Variants in PLPP4 observed in about 807,000 individuals in gnomAD.
The protein encoded by PLPP4 is diacylglycerol pyrophosphate like 2.
A neutral mutation model predicts 32.2 loss-of-function variants in PLPP4; 20 were observed. The ratio of observed to expected loss-of-function variants is 0.62; its 90% CI spans 0.44 to 0.90. The LOEUF (loss-of-function observed/expected upper bound fraction) is 0.90, where lower values mean the gene tolerates loss of function less well. Among genes scored for constraint, PLPP4 ranks in the 40% least tolerant of loss-of-function variants. The probability of loss-of-function intolerance (pLI) is 0.00; values close to 1 mark genes in which losing one functional copy is unlikely to be tolerated. For missense variants in PLPP4, 257 were observed against 353.1 expected (o/e 0.73, Z 2.18); for synonymous variants, 127 against 133.0 (o/e 0.95, Z 0.31).
chr10:120,474,431 T>G (rs1843807421), intron 1 of PLPP4, among the ~76,000 whole-genome samples: 1 of 152,214 alleles, frequency 6.6e-6, no homozygotes, highest in African/African-American at 2.4e-5. Context: ...GTTTGAAATA[T>G]CAGCCCTGAA....
chr10:120,563,241 A>G (rs1033130541), intron 5 of PLPP4, among the ~76,000 whole-genome samples: 1 of 152,200 alleles, frequency 6.6e-6, no homozygotes, highest in East Asian at 1.9e-4. Context: ...CCCCATCTCA[A>G]AAACCAAACC....
intron 4 of PLPP4, 106 bp from the exon 5 acceptor site, chr10:120,520,865 G>C (rs1846118827): frequency 7.2e-7 from 1 of 1,387,282 alleles, no homozygotes; most frequent in African/African-American, 1.4e-5. Context: ...GACAGCCAAG[G>C]GGGCTGAGGA....
At chr10:120,580,237 A>G (rs762742263) in intron 6 of PLPP4, among the ~76,000 whole-genome samples, 1 of 151,850 alleles carries the variant, frequency 6.6e-6, no homozygotes, top group Admixed American at 6.6e-5. Flanking sequence ...TCTAATGAAG[A>G]GGTCAGGTAG....
chr10:120,526,071 A>T (rs997677213), intron 5 of PLPP4, among the ~76,000 whole-genome samples: 9 of 151,906 alleles, frequency 5.9e-5, no homozygotes, highest in Non-Finnish European at 1.0e-4. Context: ...CCTACTGTCT[A>T]GCTCTTTGTC....
intron 5 of PLPP4, among the ~76,000 whole-genome samples, chr10:120,525,150 T>C (rs1326485504): frequency 1.3e-5 from 2 of 152,162 alleles, no homozygotes; most frequent in East Asian, 3.9e-4. Context: ...ATGGCCTCTT[T>C]CACTTTACAA....
At chr10:120,517,113 A>T (rs998619618) in intron 3 of PLPP4, among the ~76,000 whole-genome samples, 8 of 152,288 alleles carry the variant, frequency 5.3e-5, no homozygotes, top group African/African-American at 1.9e-4. Flanking sequence ...GAAGTGATCC[A>T]TGTGGCTGTG....
chr10:120,577,779 T>C (rs1191689930), intron 6 of PLPP4, among the ~76,000 whole-genome samples: 6 of 152,210 alleles, frequency 3.9e-5, no homozygotes, highest in Non-Finnish European at 7.3e-5. Flanking sequence ...GTTCAACTTA[T>C]ACCCTTGGAG....
intron 1 of PLPP4, among the ~76,000 whole-genome samples, chr10:120,487,714 A>T (rs2133830697): frequency 6.6e-6 from 1 of 152,222 alleles, no homozygotes; most frequent in South Asian, 2.1e-4. Context: ...GGGAGGGGAG[A>T]TTCATAGCAT....
intron 5 of PLPP4, among the ~76,000 whole-genome samples, chr10:120,564,541 T>G (rs1848598885): frequency 1.3e-5 from 2 of 151,940 alleles, no homozygotes; most frequent in African/African-American, 4.8e-5. Context: ...TGTTTATTCT[T>G]AATTTGTCAA....
rs946404116 is a variant in PLPP4 at position 120,590,425 on chromosome 10, G to C, written c.*923G>C. ...TGAGAATTTTTCCCCTTTAGGATCT[G>C]AGTTTTGCAGAGCTCTGCTCTAAGG... On this transcript the variant is annotated 3_prime_UTR_variant, in exon 7 of 7. Transcript: ENST00000398250. Among the ~76,000 whole-genome samples the C allele has an allele frequency of 6.6e-6, 1 of 152,186 alleles. No homozygotes were observed. The highest frequency in any genetic ancestry group is 6.5e-5 in the Admixed American group (1 of 15,280).
At chr10:120,586,207 T>G (rs1849750740) in intron 6 of PLPP4, among the ~76,000 whole-genome samples, 1 of 151,486 alleles carries the variant, frequency 6.6e-6, no homozygotes, top group African/African-American at 2.4e-5. Context: ...CGATCTTGGC[T>G]CACTGCAACC....
At chr10:120,579,230 T>A (rs1199785007) in intron 6 of PLPP4, among the ~76,000 whole-genome samples, 1 of 152,138 alleles carries the variant, frequency 6.6e-6, no homozygotes, top group Non-Finnish European at 1.5e-5. Context: ...TAATCATAGG[T>A]CATTTTAAGC....
intron 5 of PLPP4, among the ~76,000 whole-genome samples, chr10:120,537,905 T>C (rs1248826169): frequency 6.6e-6 from 1 of 151,014 alleles, no homozygotes; most frequent in African/African-American, 2.4e-5. Flanking sequence ...TTTCTGGAAA[T>C]TGTCCCAATC....
Position 120,559,873 on chromosome 10 carries a change from G to A in PLPP4, c.446-15258G>A, listed in dbSNP as rs80105160. Among the ~76,000 whole-genome samples the A allele has an allele frequency of 4.6e-3, 702 of 152,208 alleles. 12 individuals carry two copies. The highest frequency in any genetic ancestry group is 0.016 in the African/African-American group (660 of 41,506). On this transcript the variant is annotated intron_variant, in intron 5 of 6. Transcript: ENST00000398250. ...ACATAGGTGGTACGTGGCATCATTCGCAGTCAATAAACTTGAAGCTGCAGT... is the reference window on the plus strand; with the variant it reads ...ACATAGGTGGTACGTGGCATCATTCACAGTCAATAAACTTGAAGCTGCAGT...
In PLPP4 at chr10:120,589,490, A is replaced by G. The variant is rs1267957995; in HGVS notation, c.804A>G (p.Glu268=). The G allele has an allele frequency of 1.9e-6, 3 of 1,613,932 alleles. No individual in the cohort carries two copies. Among genetic ancestry groups the G allele is most frequent in the Non-Finnish European group, 2.5e-6 (3 of 1,179,998 alleles). ...APSLPLEGIT[E]GPV Reference sequence around the variant, plus strand: ...GCTTGCCTCTGGAGGGGATCACCGAAGGCCCGGTATGACCAGTGTCCTGGG... The same window carrying G: ...GCTTGCCTCTGGAGGGGATCACCGAGGGCCCGGTATGACCAGTGTCCTGGG... The change falls in exon 7 of 7, where the codon GAA becomes GAG. Residue 268 remains glutamate (E), a synonymous_variant. Coordinates refer to ENST00000398250, the MANE Select transcript of PLPP4 (RefSeq NM_001030059.3).
intron 5 of PLPP4, among the ~76,000 whole-genome samples, chr10:120,528,571 T>G (rs990660992): frequency 6.6e-6 from 1 of 152,066 alleles, no homozygotes; most frequent in Admixed American, 6.6e-5. Context: ...CCCCTCATGG[T>G]TTTTTCCCTG....
chr10:120,509,574 G>A (rs73371210), intron 2 of PLPP4, among the ~76,000 whole-genome samples: 1,677 of 151,752 alleles, frequency 0.011, 34 homozygotes, highest in African/African-American at 0.039. Context: ...AAAGCTTTTG[G>A]GCTAAGGGAA....
intron 6 of PLPP4, chr10:120,581,299 TA>T (rs1462317635): frequency 1.0e-6 from 1 of 985,300 alleles, no homozygotes; most frequent in African/African-American, 1.7e-5. Flanking sequence ...CTGCTCAGCA[TA>T]TTTATAGACT....
rs73371271 is a variant in PLPP4, at chr10:120,550,912, A to T, written c.446-24219A>T. Among the ~76,000 whole-genome samples, 390 of 152,240 alleles carry T rather than the reference A, an allele frequency of 2.6e-3. 3 individuals are homozygous for T. Among genetic ancestry groups the T allele is most frequent in the African/African-American group, 9.3e-3 (387 of 41,578 alleles). ...AGATAAATTGAACTCAAGCAAAATTAAAAATGTCTGCTTTTCAAAAGATAT... is the reference window on the plus strand; with the variant it reads ...AGATAAATTGAACTCAAGCAAAATTTAAAATGTCTGCTTTTCAAAAGATAT... On this transcript the variant is annotated intron_variant, in intron 5 of 6. Transcript: ENST00000398250.
Sources: allele counts gnomAD v4.1 joint callset (sites outside exome capture counted in the v4.1 genomes callset), GRCh38; gene constraint gnomAD v4.1.1; transcripts MANE v1.5; gene names NCBI Gene and HGNC (gene_info 2026-07-23, HGNC 2026-07-21).